The following RBMS3 variants were observed in gnomAD, a reference collection of about 807,000 sequenced individuals.
The protein encoded by RBMS3 is RNA binding motif single stranded interacting protein 3, also known as RNA-binding motif, single-stranded-interacting protein 3.
In RBMS3, 27 loss-of-function variants were observed where a neutral mutation model predicts 66.8. That is an observed-to-expected ratio of 0.40 (90% CI 0.30 to 0.56). The LOEUF is 0.56. Ranked by LOEUF, RBMS3 falls within the 20% of genes least tolerant of loss-of-function variation. The probability of loss-of-function intolerance (pLI) is 0.40; values close to 1 mark genes in which losing one functional copy is unlikely to be tolerated. For synonymous variants in RBMS3, 188 were observed against 183.0 expected (o/e 1.03, Z -0.22); for missense variants, 513 against 549.5 (o/e 0.93, Z 0.66).
At chr3:29,917,125 T>G (rs1577139321) in intron 10 of RBMS3, among the ~76,000 whole-genome samples, 1 of 152,006 alleles carries the variant, frequency 6.6e-6, no homozygotes, top group African/African-American at 2.4e-5. Flanking sequence ...TATATTCAGT[T>G]AGAATACAAA....
At chr3:29,334,653 A>G (rs2035846244) in intron 1 of RBMS3, among the ~76,000 whole-genome samples, 1 of 152,190 alleles carries the variant, frequency 6.6e-6, no homozygotes, top group Admixed American at 6.6e-5. Flanking sequence ...AGGTAAATAA[A>G]TGCTCCTGCA....
At chr3:29,483,741 C>G (rs1393265765) in intron 2 of RBMS3, among the ~76,000 whole-genome samples, 3 of 152,176 alleles carry the variant, frequency 2.0e-5, no homozygotes, top group Admixed American at 1.3e-4. Context: ...TTTTTCTAAT[C>G]TCTAAGACAT....
At chr3:29,387,244 G>T (rs2039051546) in intron 1 of RBMS3, among the ~76,000 whole-genome samples, 1 of 152,030 alleles carries the variant, frequency 6.6e-6, no homozygotes, top group Admixed American at 6.6e-5. Flanking sequence ...ACTAAAAACT[G>T]CATTTTCACT....
chr3:29,542,222 A>G (rs537304704), intron 3 of RBMS3, among the ~76,000 whole-genome samples: 13 of 152,306 alleles, frequency 8.5e-5, no homozygotes, highest in African/African-American at 3.1e-4. Context: ...TCAGAAAATA[A>G]TAACTATCCC....
chr3:29,855,396 T>G (rs78806147), intron 6 of RBMS3, among the ~76,000 whole-genome samples: 5,991 of 152,274 alleles, frequency 0.039, 245 homozygotes, highest in East Asian at 0.11. Flanking sequence ...TTTAATTGCT[T>G]CTACATGTTT....
intron 1 of RBMS3, among the ~76,000 whole-genome samples, chr3:29,301,226 C>A (rs17023218): frequency 0.21 from 31,191 of 151,776 alleles, 3,449 homozygotes; most frequent in Admixed American, 0.29. Context: ...ATGAGATTAC[C>A]AAAAGTGAGG....
At chr3:29,304,660 G>A (rs2033895767) in intron 1 of RBMS3, among the ~76,000 whole-genome samples, 1 of 151,904 alleles carries the variant, frequency 6.6e-6, no homozygotes, top group South Asian at 2.1e-4. Flanking sequence ...ACACCCCTAG[G>A]AAACCATGTT....
chr3:29,939,501 T>TA (rs1158165147), intron 11 of RBMS3, among the ~76,000 whole-genome samples: 1 of 151,922 alleles, frequency 6.6e-6, no homozygotes, highest in Non-Finnish European at 1.5e-5. Context: ...CACATGGACA[T>TA]ACAGACCCAG....
chr3:29,879,257 T>A (rs968197206), intron 7 of RBMS3, among the ~76,000 whole-genome samples: 4 of 152,188 alleles, frequency 2.6e-5, no homozygotes, highest in Non-Finnish European at 4.4e-5. Flanking sequence ...GTAGAAATAC[T>A]AGCAAATAAA....
chr3:29,561,405 T>TC (rs2046546339), intron 3 of RBMS3, among the ~76,000 whole-genome samples: 1 of 151,918 alleles, frequency 6.6e-6, no homozygotes, highest in African/African-American at 2.4e-5. Flanking sequence ...TTCCCTTTTT[T>TC]CCACAACCTT....
chr3:29,748,170 A>C (rs941704903), intron 5 of RBMS3, among the ~76,000 whole-genome samples: 13 of 152,184 alleles, frequency 8.5e-5, no homozygotes, highest in African/African-American at 1.4e-4. Context: ...AAAATCTCTT[A>C]GTGGGAGTAG....
At chr3:29,984,205 C>G (rs912278816) in intron 12 of RBMS3, among the ~76,000 whole-genome samples, 1 of 151,938 alleles carries the variant, frequency 6.6e-6, no homozygotes, top group Non-Finnish European at 1.5e-5. Flanking sequence ...ATCAATTTGG[C>G]TAATGATACT....
chr3:29,706,888 G>C (rs920987403), intron 4 of RBMS3, among the ~76,000 whole-genome samples: 1 of 152,130 alleles, frequency 6.6e-6, no homozygotes, highest in African/African-American at 2.4e-5. Context: ...CATTTTCTTG[G>C]AGTGGAAGGA....
In RBMS3 at chr3:29,517,011, G is replaced by A. The variant is rs564460343; in HGVS notation, c.307+28512G>A. ...GTGGATCACTTGAGCCCAAAAGTCC[G>A]AGAACAGCCTGGGCAACATAGTGAA... On this transcript the variant is annotated intron_variant, in intron 3 of 14. Transcript: ENST00000383767. Among the ~76,000 whole-genome samples, 6 of 152,006 alleles carry A rather than the reference G, an allele frequency of 3.9e-5. No homozygotes were observed. The East Asian group carries it at 1.2e-3, about 30-fold the overall frequency.
At chr3:29,537,912 C>CATGATGA (rs2045632741) in intron 3 of RBMS3, among the ~76,000 whole-genome samples, 1 of 151,656 alleles carries the variant, frequency 6.6e-6, no homozygotes, top group Non-Finnish European at 1.5e-5. Context: ...CATTGTGAGT[C>CATGATGA]ATGATGAACT....
At chr3:29,408,916 A>G (rs549025940) in intron 1 of RBMS3, among the ~76,000 whole-genome samples, 1 of 152,262 alleles carries the variant, frequency 6.6e-6, no homozygotes, top group Admixed American at 6.5e-5. Context: ...TAAGGATGCA[A>G]TGTTGCATAA....
intron 10 of RBMS3, among the ~76,000 whole-genome samples, chr3:29,933,041 A>G (rs1237453826): frequency 1.3e-5 from 2 of 152,198 alleles, no homozygotes; most frequent in South Asian, 2.1e-4. Context: ...AACATTGAGC[A>G]AAGCCAGACA....
At chr3:29,834,807 C>G (rs1240336838) in intron 6 of RBMS3, among the ~76,000 whole-genome samples, 1 of 151,906 alleles carries the variant, frequency 6.6e-6, no homozygotes, top group Non-Finnish European at 1.5e-5. Flanking sequence ...TTAAAGGTAA[C>G]TGAATTAAAA....
intron 10 of RBMS3, among the ~76,000 whole-genome samples, chr3:29,916,243 C>G (rs2060635567): frequency 6.6e-6 from 1 of 151,944 alleles, no homozygotes; most frequent in South Asian, 2.1e-4. Flanking sequence ...TCTCTCTTTC[C>G]CCCTCTCCAT....
Sources: allele counts gnomAD v4.1 joint callset (sites outside exome capture counted in the v4.1 genomes callset), GRCh38; gene constraint gnomAD v4.1.1; transcripts MANE v1.5; gene names NCBI Gene and HGNC (gene_info 2026-07-23, HGNC 2026-07-21).